Variants in PTK2 observed in about 807,000 individuals in gnomAD.
The protein encoded by PTK2 is protein tyrosine kinase 2.
A neutral mutation model predicts 150.1 loss-of-function variants in PTK2; 45 were observed. That is an observed-to-expected ratio of 0.30 (90% confidence interval 0.24 to 0.38). The LOEUF (loss-of-function observed/expected upper bound fraction) is 0.38, where lower values mean the gene tolerates loss of function less well. Among genes scored for constraint, PTK2 ranks in the 10% least tolerant of loss-of-function variants. The pLI, the probability that PTK2 is intolerant of heterozygous loss-of-function variation, is 1.00. For missense variants in PTK2, 919 were observed against 1,307.3 expected (o/e 0.70, Z 4.58); for synonymous variants, 432 against 449.2 (o/e 0.96, Z 0.48).
At chr8:140,784,415 C>T (rs955632750) in intron 14 of PTK2, among the ~76,000 whole-genome samples, 1 of 151,714 alleles carries the variant, frequency 6.6e-6, no homozygotes, top group African/African-American at 2.4e-5. Context: ...TCAAGGGCTT[C>T]GTTATTTTAG....
chr8:140,814,755 C>T (rs1025798573), intron 10 of PTK2, among the ~76,000 whole-genome samples: 2 of 152,044 alleles, frequency 1.3e-5, no homozygotes, highest in Admixed American at 6.6e-5. Context: ...TGGCTATATA[C>T]CCAAAGGAAT....
intron 1 of PTK2, among the ~76,000 whole-genome samples, chr8:140,966,187 C>T (rs778816006): frequency 6.6e-6 from 1 of 152,118 alleles, no homozygotes; most frequent in Admixed American, 6.5e-5. Context: ...TTTTGTTCAC[C>T]ATTGTATACC....
chr8:140,759,818 G>A (rs977568641), intron 16 of PTK2, among the ~76,000 whole-genome samples: 1 of 151,904 alleles, frequency 6.6e-6, no homozygotes, highest in Non-Finnish European at 1.5e-5. Flanking sequence ...ACTCCAGCCT[G>A]ACTGACAGAG....
At chr8:140,938,787 C>T (rs969555218) in intron 1 of PTK2, among the ~76,000 whole-genome samples, 2 of 152,196 alleles carry the variant, frequency 1.3e-5, no homozygotes, top group Non-Finnish European at 2.9e-5. Flanking sequence ...AAACATTTGA[C>T]CAAGCTTTGT....
intron 17 of PTK2, among the ~76,000 whole-genome samples, chr8:140,747,569 A>C (rs1330192677): frequency 3.3e-5 from 1 of 30,106 alleles, no homozygotes; most frequent in Non-Finnish European, 6.2e-5. Context: ...CGGGAGGAGG[A>C]GGAAGGGGAG....
At chr8:140,920,157 A>C (rs954009912) in intron 2 of PTK2, among the ~76,000 whole-genome samples, 4 of 152,122 alleles carry the variant, frequency 2.6e-5, no homozygotes, top group African/African-American at 4.8e-5. Flanking sequence ...TAACTTAAAT[A>C]TTTCTACTAC....
chr8:140,719,265 C>T (rs2100041446), intron 22 of PTK2, among the ~76,000 whole-genome samples: 1 of 152,186 alleles, frequency 6.6e-6, no homozygotes, highest in African/African-American at 2.4e-5. Flanking sequence ...ATTTTGGTTT[C>T]TTTCTTGCTC....
At chr8:140,661,419 G>A (rs1031185874) in intron 31 of PTK2, among the ~76,000 whole-genome samples, 10 of 152,144 alleles carry the variant, frequency 6.6e-5, no homozygotes, top group Non-Finnish European at 2.9e-5. Flanking sequence ...ATGTGTGTAG[G>A]GGATTGGGAA....
At chr8:140,856,438 C>T (rs2100132682) in intron 5 of PTK2, among the ~76,000 whole-genome samples, 1 of 152,140 alleles carries the variant, frequency 6.6e-6, no homozygotes, top group East Asian at 1.9e-4. Context: ...TGGATAAATA[C>T]ACTACGATAT....
intron 23 of PTK2, among the ~76,000 whole-genome samples, chr8:140,710,634 G>T (rs1048824892): frequency 1.3e-5 from 2 of 152,140 alleles, no homozygotes; most frequent in African/African-American, 4.8e-5. Context: ...TCGCACCATG[G>T]CACTGCAGCC....
intron 14 of PTK2, among the ~76,000 whole-genome samples, chr8:140,778,992 G>C (rs2100080049): frequency 6.6e-6 from 1 of 152,088 alleles, no homozygotes; most frequent in Non-Finnish European, 1.5e-5. Context: ...TGGGCACAGT[G>C]GGTCACACCT....
intron 4 of PTK2, among the ~76,000 whole-genome samples, chr8:140,877,723 A>C (rs978150632): frequency 6.6e-6 from 1 of 152,022 alleles, no homozygotes; most frequent in African/African-American, 2.4e-5. Flanking sequence ...TAGTAGGGTC[A>C]ATCTGTGAGA....
chr8:140,813,407 C>T (rs182661859), intron 10 of PTK2, among the ~76,000 whole-genome samples: 52 of 149,368 alleles, frequency 3.5e-4, no homozygotes, highest in Middle Eastern at 3.6e-3. Flanking sequence ...ATTTGTAGTA[C>T]TCAGCAAATG....
chr8:140,761,116 T>C (rs2100069183), intron 16 of PTK2, 49 bp downstream of exon 19: 3 of 1,290,984 alleles, frequency 2.3e-6, no homozygotes, highest in African/African-American at 1.5e-5. Flanking sequence ...CAATTTAAAC[T>C]TAAATAGTCA....
intron 3 of PTK2, among the ~76,000 whole-genome samples, chr8:140,888,389 T>C (rs1229173159): frequency 6.6e-6 from 1 of 152,250 alleles, no homozygotes; most frequent in Non-Finnish European, 1.5e-5. Context: ...AACCTCATGC[T>C]ATCCCAGGAA....
At chr8:140,702,613 T>G (rs199840851) in exon 25 of PTK2, 10 of 1,614,116 alleles carry the variant, frequency 6.2e-6, no homozygotes, top group Middle Eastern at 3.3e-4. Flanking sequence ...AGGTCTATGA[T>G]TCCATGAATC....
intron 27 of PTK2, among the ~76,000 whole-genome samples, chr8:140,683,883 AC>A (rs1396031463): frequency 2.0e-5 from 3 of 152,100 alleles, no homozygotes; most frequent in Non-Finnish European, 4.4e-5. Context: ...TCTATGACAA[AC>A]CCACAGCCAA....
intron 16 of PTK2, among the ~76,000 whole-genome samples, chr8:140,756,710 C>T (rs911303735): frequency 2.6e-4 from 37 of 142,730 alleles, no homozygotes; most frequent in East Asian, 1.3e-3. Flanking sequence ...AAAAAAAAGG[C>T]GGGGCGCGGT....
At chr8:140,840,280 G>T (rs1419624317) in intron 7 of PTK2, among the ~76,000 whole-genome samples, 1 of 152,200 alleles carries the variant, frequency 6.6e-6, no homozygotes, top group Non-Finnish European at 1.5e-5. Context: ...TGCTGGTCAA[G>T]CCATCTTCCT....
Sources: gnomAD v4.1 joint callset for allele counts (sites outside exome capture counted in the v4.1 genomes callset) on GRCh38, gnomAD v4.1.1 for gene constraint, MANE v1.5 for transcripts, NCBI Gene and HGNC (gene_info 2026-07-23, HGNC 2026-07-21) for gene names.